Variants in ASCC3 observed in about 807,000 individuals in gnomAD.
The protein encoded by ASCC3 is ASC-1 complex subunit P200.
A neutral mutation model predicts 256.3 loss-of-function variants in ASCC3; 158 were observed. That is an observed-to-expected ratio of 0.62 (90% CI 0.54 to 0.70). The LOEUF (loss-of-function observed/expected upper bound fraction) is 0.70. Among genes scored for constraint, ASCC3 ranks in the 30% least tolerant of loss-of-function variants. The pLI is 0.00. For missense variants in ASCC3, 2,259 were observed against 2,626.0 expected (o/e 0.86, Z 3.05); for synonymous variants, 948 against 883.4 (o/e 1.07, Z -1.30).
At chr6:100,748,038 G>C (rs536382598) in intron 10 of ASCC3, among the ~76,000 whole-genome samples, 2 of 151,844 alleles carry the variant, frequency 1.3e-5, no homozygotes, top group Non-Finnish European at 2.9e-5. Flanking sequence ...TTTAAAATAA[G>C]AGCCTTCTTT....
rs951046780 is a variant in ASCC3, at chr6:100,520,424, C to CCTT, written c.5776-2285_5776-2283dup. Among the ~76,000 whole-genome samples, 3 of 150,942 alleles carry CCTT rather than the reference C, an allele frequency of 2.0e-5. No individual in the cohort carries two copies. The East Asian group carries it at 5.8e-4, about 29-fold the overall frequency. ...CTTGCTTTAAATGTTTCCTTCTTCT[C>CCTT]CTTCTTCTTCTTTTTTTTTTTTCTT... On this transcript the variant is annotated intron_variant, in intron 37 of 41. Coordinates refer to ENST00000369162, the MANE Select transcript of ASCC3 (RefSeq NM_006828.4).
chr6:100,734,723 C>T (rs1358951860), intron 10 of ASCC3, among the ~76,000 whole-genome samples: 1 of 152,070 alleles, frequency 6.6e-6, no homozygotes, highest in Non-Finnish European at 1.5e-5. Flanking sequence ...GGTAAAGACA[C>T]ATCAGGGAAA....
intron 4 of ASCC3, among the ~76,000 whole-genome samples, chr6:100,821,227 T>A (rs1199472363): frequency 6.6e-6 from 1 of 152,080 alleles, no homozygotes; most frequent in South Asian, 2.1e-4. Flanking sequence ...GGTTGCCCAG[T>A]TGAGTCTCAA....
chr6:100,743,282 G>T (rs1295557911), intron 10 of ASCC3, among the ~76,000 whole-genome samples: 1 of 152,164 alleles, frequency 6.6e-6, no homozygotes, highest in Non-Finnish European at 1.5e-5. Context: ...CAGTCACAAT[G>T]TGAGAACCTG....
At chr6:100,544,554 T>C (rs1775616915) in intron 36 of ASCC3, among the ~76,000 whole-genome samples, 1 of 151,160 alleles carries the variant, frequency 6.6e-6, no homozygotes, top group Admixed American at 6.6e-5. Flanking sequence ...CCTTTACCTG[T>C]AAAAACTAAG....
At chr6:100,513,039 C>G in intron 39 of ASCC3, 121 bp from the exon 40 acceptor site, 1 of 850,760 alleles carries the variant, frequency 1.2e-6, no homozygotes, top group Non-Finnish European at 1.8e-6. Flanking sequence ...AATTCTAGAT[C>G]CAATGCAGTT....
intron 4 of ASCC3, among the ~76,000 whole-genome samples, chr6:100,829,588 G>A (rs1278172903): frequency 2.0e-5 from 3 of 152,024 alleles, no homozygotes; most frequent in Non-Finnish European, 2.9e-5. Context: ...ACACCTCCCC[G>A]CAAGCTGAGG....
chr6:100,638,950 T>C (rs1024537840), intron 24 of ASCC3, 129 bp from the exon 25 acceptor site: 2 of 766,250 alleles, frequency 2.6e-6, no homozygotes, highest in African/African-American at 3.5e-5. Context: ...CAAACTCTTA[T>C]ATACCCATTA....
intron 5 of ASCC3, among the ~76,000 whole-genome samples, chr6:100,805,405 A>G (rs751022759): frequency 9.9e-5 from 15 of 151,990 alleles, no homozygotes; most frequent in Non-Finnish European, 2.1e-4. Context: ...CTACCTGTCA[A>G]GAACTATGTT....
intron 14 of ASCC3, among the ~76,000 whole-genome samples, chr6:100,664,479 TAAC>T (rs1236643460): frequency 2.0e-5 from 3 of 151,996 alleles, no homozygotes; most frequent in African/African-American, 7.2e-5. Flanking sequence ...ACCAAGTAAA[TAAC>T]AACTTACACA....
At chr6:100,751,598 T>C (rs780321706) in intron 10 of ASCC3, among the ~76,000 whole-genome samples, 1 of 152,106 alleles carries the variant, frequency 6.6e-6, no homozygotes, top group Non-Finnish European at 1.5e-5. Context: ...TTATTTTTTA[T>C]GCTTGATATA....
intron 3 of ASCC3, among the ~76,000 whole-genome samples, chr6:100,859,551 T>G (rs951566490): frequency 8.5e-5 from 13 of 152,050 alleles, no homozygotes; most frequent in Non-Finnish European, 2.9e-5. Flanking sequence ...TTATACTTCC[T>G]ATTCCAGTCA....
At chr6:100,581,525 T>C (rs1182911040) in intron 36 of ASCC3, among the ~76,000 whole-genome samples, 5 of 151,784 alleles carry the variant, frequency 3.3e-5, no homozygotes, top group African/African-American at 1.2e-4. Flanking sequence ...TTCTCCCATT[T>C]TGTAGGTTGC....
At chr6:100,647,154 C>A in intron 21 of ASCC3, 72 bp downstream of exon 21, 1 of 1,323,160 alleles carries the variant, frequency 7.6e-7, no homozygotes. Flanking sequence ...TTCACAATAC[C>A]TTCTTTTACA....
At chr6:100,697,173 C>A (rs1778127333) in intron 13 of ASCC3, among the ~76,000 whole-genome samples, 1 of 151,972 alleles carries the variant, frequency 6.6e-6, no homozygotes, top group Non-Finnish European at 1.5e-5. Context: ...ATAGTAATAT[C>A]TGCTTTTATG....
chr6:100,671,408 C>T (rs1182972920), intron 14 of ASCC3, among the ~76,000 whole-genome samples: 2 of 151,986 alleles, frequency 1.3e-5, no homozygotes, highest in Admixed American at 6.6e-5. Flanking sequence ...TGTGAACAGA[C>T]GATTTGGATT....
chr6:100,586,361 C>T (rs1159287333), intron 36 of ASCC3, among the ~76,000 whole-genome samples: 2 of 152,190 alleles, frequency 1.3e-5, no homozygotes, highest in African/African-American at 4.8e-5. Flanking sequence ...ATCAGTGAGA[C>T]TCCGTGGGCG....
chr6:100,680,999 G>C (rs1354678106), intron 13 of ASCC3, among the ~76,000 whole-genome samples: 1 of 152,144 alleles, frequency 6.6e-6, no homozygotes, highest in East Asian at 1.9e-4. Context: ...TCTGGGATTT[G>C]ACCAGAAAGG....
At chr6:100,709,729 G>A (rs971872791) in intron 13 of ASCC3, among the ~76,000 whole-genome samples, 5 of 152,066 alleles carry the variant, frequency 3.3e-5, no homozygotes, top group African/African-American at 1.2e-4. Context: ...TTATAATTTA[G>A]TAATGCAGTA....
Sources: gnomAD v4.1 joint callset for allele counts (sites outside exome capture counted in the v4.1 genomes callset) on GRCh38, gnomAD v4.1.1 for gene constraint, MANE v1.5 for transcripts, NCBI Gene and HGNC (gene_info 2026-07-23, HGNC 2026-07-21) for gene names.